TESMIN: variants seen among roughly 807,000 people sequenced by gnomAD.
The protein encoded by TESMIN is testis expressed metallothionein like protein.
A neutral mutation model predicts 47.4 loss-of-function variants in TESMIN; 34 were observed. That is an observed-to-expected ratio of 0.72 (90% CI 0.55 to 0.96). The LOEUF (loss-of-function observed/expected upper bound fraction) is 0.96, where lower values mean the gene tolerates loss of function less well. TESMIN is among the 40% of genes least tolerant of loss of function. The probability of loss-of-function intolerance (pLI) is 0.00; values close to 1 mark genes in which losing one functional copy is unlikely to be tolerated. For synonymous variants in TESMIN, 278 were observed against 258.9 expected (o/e 1.07, Z -0.71); for missense variants, 610 against 637.2 (o/e 0.96, Z 0.46).
intron 5 of TESMIN, among the ~76,000 whole-genome samples, chr11:68,741,689 C>G (rs145595347): frequency 2.0e-5 from 3 of 152,114 alleles, no homozygotes; most frequent in Non-Finnish European, 2.9e-5. Flanking sequence ...CAGAGATGAA[C>G]GAGACACATA....
rs1566323539 is a variant in TESMIN, at chr11:68,738,783, C to T, written c.834G>A (p.Glu278=). 6.2e-7 allele frequency: 1 copy of T among 1,613,458 alleles called. No homozygotes were observed. The highest frequency in any genetic ancestry group is 1.7e-5 in the Admixed American group (1 of 60,016). The change falls in exon 6 of 10, where the codon GAG becomes GAA. Residue 278 remains glutamate (E), a synonymous_variant. Transcript: ENST00000255087. ...CGTTGACTACCGATGGTAAGGCTCCCTCAAGCTGTTCAAAGTCAAAGGCAA... is the reference window on the plus strand; with the variant it reads ...CGTTGACTACCGATGGTAAGGCTCCTTCAAGCTGTTCAAAGTCAAAGGCAA... ...TKLNLITQQL[E]GALPSVVNGS...
At position 68,723,879 on chromosome 11, in the gene TESMIN, A is replaced by C. The variant is rs1050829234; in HGVS notation, c.918-7940T>G. On this transcript the variant is annotated intron_variant, in intron 6 of 9. Transcript: ENST00000255087. Reference sequence around the variant, plus strand: ...ACAAAAGAAAGTGAATGAGTAACCTATCACCTTCACCACTCCAACTCCAAT... The same window carrying C: ...ACAAAAGAAAGTGAATGAGTAACCTCTCACCTTCACCACTCCAACTCCAAT... Among the ~76,000 whole-genome samples the C allele has an allele frequency of 1.1e-4, 17 of 152,324 alleles. No individual in the cohort carries two copies. In the East Asian group the frequency reaches 3.3e-3, roughly 29 times the overall value.
At chr11:68,727,985 G>C (rs1294534764) in intron 6 of TESMIN, among the ~76,000 whole-genome samples, 1 of 152,158 alleles carries the variant, frequency 6.6e-6, no homozygotes, top group Non-Finnish European at 1.5e-5. Context: ...TGCTGAGTGT[G>C]TTCTGACTTC....
chr11:68,744,896 T>A (rs559629490), intron 4 of TESMIN, 95 bp downstream of exon 4: 1 of 1,060,098 alleles, frequency 9.4e-7, no homozygotes, highest in South Asian at 1.8e-5. Flanking sequence ...CTATTTAATA[T>A]CCTGGTTGCC....
intron 6 of TESMIN, among the ~76,000 whole-genome samples, chr11:68,720,767 G>C (rs1254678324): frequency 6.6e-6 from 1 of 152,162 alleles, no homozygotes; most frequent in African/African-American, 2.4e-5. Flanking sequence ...TTCTGGCTCA[G>C]AAATGTCTTT....
intron 9 of TESMIN, among the ~76,000 whole-genome samples, chr11:68,709,449 A>G (rs1566310306): frequency 6.6e-6 from 1 of 152,154 alleles, no homozygotes; most frequent in South Asian, 2.1e-4. Context: ...TTCCCCATCA[A>G]TGCCGCTTGG....
chr11:68,711,687 A>T (rs1314240608), intron 8 of TESMIN, among the ~76,000 whole-genome samples: 1 of 152,180 alleles, frequency 6.6e-6, no homozygotes, highest in Non-Finnish European at 1.5e-5. Flanking sequence ...TGAGGCTATT[A>T]TGCTGGTTCT....
chr11:68,747,476 C>T (rs1281915304), intron 2 of TESMIN, 110 bp from the exon 3 acceptor site: 4 of 986,838 alleles, frequency 4.1e-6, no homozygotes, highest in South Asian at 1.6e-5. Flanking sequence ...TATGGTGAAA[C>T]CCTGTCTCTA....
intron 6 of TESMIN, among the ~76,000 whole-genome samples, chr11:68,725,635 T>G (rs879791981): frequency 1.4e-4 from 13 of 93,232 alleles, no homozygotes; most frequent in Non-Finnish European, 2.8e-4. Context: ...AAAATGACAG[T>G]TTTTTGTTGT....
chr11:68,731,977 C>T (rs554119414), intron 6 of TESMIN, among the ~76,000 whole-genome samples: 15 of 152,300 alleles, frequency 9.8e-5, no homozygotes, highest in Admixed American at 7.8e-4. Flanking sequence ...AAAATGTTCA[C>T]GTTGTCTCTC....
Position 68,740,576 on chromosome 11 carries a change from C to T in TESMIN, c.828+1742G>A, listed in dbSNP as rs76595876. Among the ~76,000 whole-genome samples the T allele has an allele frequency of 3.8e-3, 586 of 152,244 alleles. 2 individuals are homozygous for T. The highest frequency in any genetic ancestry group is 4.8e-3 in the Non-Finnish European group (326 of 68,028). The stretch of plus-strand genomic sequence containing the variant: ...GGCCAGCAGCGTGGAGGGGGCCAGA[C>T]GGTAGGAGGATTCTATGAGGTTCCA... On this transcript the variant is annotated intron_variant, in intron 5 of 9. Transcript: ENST00000255087.
At chr11:68,706,390 G>A (rs892443676), downstream of TESMIN, among the ~76,000 whole-genome samples, 5 of 152,212 alleles carry the variant, frequency 3.3e-5, no homozygotes, top group Admixed American at 6.5e-5. Flanking sequence ...CTTGGCCAGC[G>A]CAGGCTCCTG....
Position 68,739,656 on chromosome 11 carries a change from C to T in TESMIN, c.829-868G>A, listed in dbSNP as rs1416065241. Among the ~76,000 whole-genome samples, 9 of 152,196 alleles carry T rather than the reference C, an allele frequency of 5.9e-5. No homozygotes were observed. The South Asian group carries it at 8.3e-4, about 14-fold the overall frequency. On this transcript the variant is annotated intron_variant, in intron 5 of 9. Coordinates refer to ENST00000255087, the MANE Select transcript of TESMIN (RefSeq NM_004923.3). ...AACTGTGTGTCATCACCATCCATTA[C>T]GGCTGGAAGACACTGAGAAAGCCTC... is the stretch of plus-strand genomic sequence containing the variant.
In TESMIN at chr11:68,750,529, GTCC is replaced by G; in HGVS notation, c.129_131del (p.Glu43del). On this transcript the variant is annotated inframe_deletion, in exon 2 of 10. Coordinates refer to ENST00000255087, the MANE Select transcript of TESMIN (RefSeq NM_004923.3). ...ACGCTTCTTTGAAGACGTGGAACTCGTCCTCCTCGTACTTCACGGGGGCCTTCA... is the reference window on the plus strand; with the variant it reads ...ACGCTTCTTTGAAGACGTGGAACTCGTCCTCGTACTTCACGGGGGCCTTCA... 6.2e-7 allele frequency: 1 copy of G among 1,605,026 alleles called. No individual in the cohort carries two copies. The highest frequency in any genetic ancestry group is 1.1e-5 in the South Asian group (1 of 89,300).
Position 68,717,081 on chromosome 11 carries a change from G to A in TESMIN, c.918-1142C>T, listed in dbSNP as rs548936335. On this transcript the variant is annotated intron_variant, in intron 6 of 9. Coordinates refer to ENST00000255087, the MANE Select transcript of TESMIN (RefSeq NM_004923.3). ...CTTCCCATAGTGCTGCAGGAACACG[G>A]CGAGGGCCGTGCAGGAGACCAGAGG... Among the ~76,000 whole-genome samples, 3 of 152,380 alleles carry A rather than the reference G, an allele frequency of 2.0e-5. No individual in the cohort carries two copies. In the East Asian group the frequency reaches 5.8e-4, roughly 29 times the overall value.
downstream of TESMIN, among the ~76,000 whole-genome samples, chr11:68,706,022 C>CAAAAAAAAAAAAAAAAAA (rs11306603): frequency 1.2e-5 from 1 of 84,440 alleles, no homozygotes. Context: ...GACTCCGTCT[C>CAAAAAAAAAAAAAAAAAA]AAAAAAAAAA....
At chr11:68,742,248 A>C in intron 5 of TESMIN, 70 bp downstream of exon 5, 1 of 937,776 alleles carries the variant, frequency 1.1e-6, no homozygotes. Context: ...AGTAATTCCA[A>C]CCATAACAAT....
intron 8 of TESMIN, among the ~76,000 whole-genome samples, chr11:68,712,004 T>C (rs1946079029): frequency 6.6e-6 from 1 of 152,274 alleles, no homozygotes. Context: ...CCCTCTGTTC[T>C]TTCCAGCTGA....
intron 6 of TESMIN, among the ~76,000 whole-genome samples, chr11:68,731,109 G>A (rs1448590257): frequency 6.6e-6 from 1 of 152,166 alleles, no homozygotes. Flanking sequence ...ATCTTTACAG[G>A]TGTGGAGGTT....
Sources: gnomAD v4.1 joint callset for allele counts (sites outside exome capture counted in the v4.1 genomes callset) on GRCh38, gnomAD v4.1.1 for gene constraint, MANE v1.5 for transcripts, NCBI Gene and HGNC (gene_info 2026-07-23, HGNC 2026-07-21) for gene names.